ADGRV1: variants seen among roughly 807,000 people sequenced by gnomAD.
The protein encoded by ADGRV1 is G-protein coupled receptor 98.
ADGRV1 carries 359 observed loss-of-function variants against 596.2 expected under a neutral mutation model. The ratio of observed to expected loss-of-function variants is 0.60; its 90% CI spans 0.55 to 0.66. ADGRV1 has a LOEUF of 0.66. ADGRV1 is among the 30% of genes least tolerant of loss of function. The pLI is 0.00. For missense variants in ADGRV1, 7,274 were observed against 7,575.6 expected, an observed-to-expected ratio of 0.96 and a Z score of 1.48; for synonymous variants, 2,681 against 2,679.2, an observed-to-expected ratio of 1.00 and a Z score of -0.02.
intron 85 of ADGRV1, among the ~76,000 whole-genome samples, chr5:91,068,489 A>G (rs1788084867): frequency 6.6e-6 from 1 of 151,810 alleles, no homozygotes; most frequent in African/African-American, 2.4e-5. Flanking sequence ...AAGAACTAGT[A>G]TCTGAGTTAG....
intron 35 of ADGRV1, 68 bp downstream of exon 35, chr5:90,703,863 T>C (rs1206586890): frequency 3.5e-6 from 4 of 1,144,108 alleles, no homozygotes; most frequent in Non-Finnish European, 5.0e-6. Flanking sequence ...GAAAATGGGA[T>C]AGAAAAGCAG....
intron 83 of ADGRV1, among the ~76,000 whole-genome samples, chr5:90,926,866 T>C (rs1224326397): frequency 6.6e-6 from 1 of 152,086 alleles, no homozygotes; most frequent in Non-Finnish European, 1.5e-5. Flanking sequence ...AGAACATCTT[T>C]ATTTCTTCCT....
chr5:90,954,536 C>G (rs1038949085), intron 83 of ADGRV1, among the ~76,000 whole-genome samples: 2 of 152,080 alleles, frequency 1.3e-5, no homozygotes, highest in Non-Finnish European at 2.9e-5. Context: ...CTTTCAACAT[C>G]TTTACCTTTT....
At chr5:91,119,809 A>G (rs1191704471) in intron 87 of ADGRV1, among the ~76,000 whole-genome samples, 2 of 152,212 alleles carry the variant, frequency 1.3e-5, no homozygotes, top group Admixed American at 6.5e-5. Flanking sequence ...GCTCAATTAT[A>G]GAAGTTATAG....
intron 87 of ADGRV1, among the ~76,000 whole-genome samples, chr5:91,111,521 T>G (rs1298927396): frequency 6.6e-6 from 1 of 152,212 alleles, no homozygotes; most frequent in Non-Finnish European, 1.5e-5. Context: ...TTAGATACAG[T>G]ACATATTTAG....
chr5:90,666,754 G>C (rs1771483012), intron 21 of ADGRV1, among the ~76,000 whole-genome samples: 1 of 151,718 alleles, frequency 6.6e-6, no homozygotes, highest in African/African-American at 2.4e-5. Context: ...GGTACCGGTT[G>C]TTCCTTTCCA....
chr5:91,135,837 C>CA (rs1399875217), intron 87 of ADGRV1, among the ~76,000 whole-genome samples: 1 of 152,160 alleles, frequency 6.6e-6, no homozygotes, highest in East Asian at 1.9e-4. Context: ...AGGGATTGTG[C>CA]AGGGTATAGT....
intron 83 of ADGRV1, among the ~76,000 whole-genome samples, chr5:90,919,994 C>CAA (rs59122926): frequency 2.8e-3 from 220 of 79,682 alleles, no homozygotes; most frequent in Non-Finnish European, 3.1e-3. Context: ...AACTCCATCT[C>CAA]AAAAAAAAAA....
intron 86 of ADGRV1, among the ~76,000 whole-genome samples, chr5:91,074,660 A>G (rs1788690477): frequency 6.6e-6 from 1 of 152,220 alleles, no homozygotes; most frequent in African/African-American, 2.4e-5. Flanking sequence ...TTCATGGTAG[A>G]ACAATTTCTA....
intron 86 of ADGRV1, among the ~76,000 whole-genome samples, chr5:91,081,642 C>T (rs542230499): frequency 4.6e-5 from 7 of 151,798 alleles, no homozygotes; most frequent in Non-Finnish European, 8.8e-5. Context: ...AAAAATTAGC[C>T]GGGCATGGTG....
At chr5:90,651,777 C>T in intron 18 of ADGRV1, 47 bp downstream of exon 18, 2 of 1,203,650 alleles carry the variant, frequency 1.7e-6, no homozygotes, top group Non-Finnish European at 2.4e-6. Flanking sequence ...TGAAATAAAA[C>T]CATTAAGTAT....
chr5:90,563,322 A>C (rs1190699143), intron 1 of ADGRV1, among the ~76,000 whole-genome samples: 1 of 152,248 alleles, frequency 6.6e-6, no homozygotes, highest in Non-Finnish European at 1.5e-5. Flanking sequence ...GAGGCTGTTG[A>C]GTGCTAGGTC....
intron 81 of ADGRV1, 44 bp downstream of exon 81, chr5:90,854,245 C>T (rs1461489673): frequency 7.0e-7 from 1 of 1,432,522 alleles, no homozygotes; most frequent in Admixed American, 2.3e-5. Flanking sequence ...GGTCCTTCCC[C>T]ATTTCGGTAC....
intron 70 of ADGRV1, among the ~76,000 whole-genome samples, chr5:90,794,472 G>A (rs1422947542): frequency 6.6e-6 from 1 of 152,158 alleles, no homozygotes. Context: ...CATTTATTGA[G>A]CACTTATTAT....
intron 1 of ADGRV1, among the ~76,000 whole-genome samples, chr5:90,609,559 A>AT (rs1762496675): frequency 6.6e-6 from 1 of 151,946 alleles, no homozygotes; most frequent in Non-Finnish European, 1.5e-5. Context: ...AATAAGACAG[A>AT]TTAAGAATGC....
At chr5:90,703,878 A>G (rs943642493) in intron 35 of ADGRV1, 83 bp downstream of exon 35, 1 of 940,112 alleles carries the variant, frequency 1.1e-6, no homozygotes, top group South Asian at 1.7e-5. Flanking sequence ...AAGCAGCACT[A>G]TTGTAGTTAT....
chr5:91,152,851 A>T (rs1582234964), intron 88 of ADGRV1, among the ~76,000 whole-genome samples: 1 of 151,740 alleles, frequency 6.6e-6, no homozygotes, highest in East Asian at 1.9e-4. Context: ...CATTGTAAAA[A>T]TTTTCGTAGA....
At chr5:90,770,368 A>G (rs1428696485) in intron 59 of ADGRV1, among the ~76,000 whole-genome samples, 1 of 152,122 alleles carries the variant, frequency 6.6e-6, no homozygotes, top group Non-Finnish European at 1.5e-5. Context: ...GGGAGCTACA[A>G]TTCAAGATGA....
chr5:90,941,134 AC>A (rs1776135275), intron 83 of ADGRV1, among the ~76,000 whole-genome samples: 1 of 94,534 alleles, frequency 1.1e-5, no homozygotes, highest in African/African-American at 4.5e-5. Flanking sequence ...AAGGAAAAGT[AC>A]TTAAAAAAAA....
Sources: gnomAD v4.1 joint callset for allele counts (sites outside exome capture counted in the v4.1 genomes callset) on GRCh38, gnomAD v4.1.1 for gene constraint, MANE v1.5 for transcripts, NCBI Gene and HGNC (gene_info 2026-07-23, HGNC 2026-07-21) for gene names.